The following ARHGAP15 variants were observed in gnomAD, a reference collection of about 807,000 sequenced individuals.
ARHGAP15 encodes the protein rho GTPase-activating protein 15.
ARHGAP15 carries 51 observed loss-of-function variants against 63.7 expected under a neutral mutation model. The ratio of observed to expected loss-of-function variants is 0.80; its 90% confidence interval spans 0.64 to 1.01. ARHGAP15 has a LOEUF of 1.01. Ranked by LOEUF, ARHGAP15 falls within the 50% of genes least tolerant of loss-of-function variation. ARHGAP15 has a pLI of 0.00. For synonymous variants in ARHGAP15, 191 were observed against 193.8 expected, an observed-to-expected ratio of 0.99 and a Z score of 0.12; for missense variants, 560 against 564.6, an observed-to-expected ratio of 0.99 and a Z score of 0.08.
intron 13 of ARHGAP15, among the ~76,000 whole-genome samples, chr2:143,723,046 T>G (rs1326565433): frequency 6.6e-6 from 1 of 152,222 alleles, no homozygotes; most frequent in Non-Finnish European, 1.5e-5. Flanking sequence ...ACACTGAATT[T>G]TTGCTGTATC....
intron 9 of ARHGAP15, among the ~76,000 whole-genome samples, chr2:143,512,389 A>C (rs959329800): frequency 1.3e-5 from 2 of 152,216 alleles, no homozygotes; most frequent in African/African-American, 4.8e-5. Context: ...GGTGGAGTCA[A>C]CACTACCCAA....
intron 6 of ARHGAP15, among the ~76,000 whole-genome samples, chr2:143,413,966 T>TGTGTGTGTGTGTGCACGCGCGCGC: frequency 8.5e-6 from 1 of 117,910 alleles, no homozygotes; most frequent in African/African-American, 3.5e-5. Flanking sequence ...TGTGTGTGTG[T>TGTGTGTGTGTGTGCACGCGCGCGC]GCGCGCTCTC....
In ARHGAP15 at chr2:143,254,865, A is replaced by AT. The variant is rs556347701; in HGVS notation, c.474+4267dup. On this transcript the variant is annotated intron_variant, in intron 6 of 13. Transcript: ENST00000295095. ...AATAAAACAAAACAAATTCACTCCT[A>AT]TTAAAAAAAAAAAAGTTATTTGTAT... Among the ~76,000 whole-genome samples, 39 of 105,076 alleles carry AT rather than the reference A, an allele frequency of 3.7e-4. No individual in the cohort carries two copies. In the East Asian group the frequency reaches 4.9e-3, roughly 13 times the overall value. 68.9% of individuals were successfully genotyped at this position (105,076 alleles called of 152,430 possible). A position where few individuals can be genotyped will look rare whatever the true frequency, so the allele number is the denominator to read the frequency against.
At chr2:143,692,482 C>G (rs202088738) in intron 12 of ARHGAP15, among the ~76,000 whole-genome samples, 2 of 152,238 alleles carry the variant, frequency 1.3e-5, no homozygotes, top group East Asian at 1.9e-4. Flanking sequence ...ATTGTAAATG[C>G]TCCCAGGTTA....
At chr2:143,720,113 T>A (rs1006058445) in intron 13 of ARHGAP15, among the ~76,000 whole-genome samples, 1 of 152,068 alleles carries the variant, frequency 6.6e-6, no homozygotes, top group Non-Finnish European at 1.5e-5. Context: ...CAGTTAGTTG[T>A]ATGTAGGATT....
At chr2:143,593,979 T>C (rs1400310186) in intron 11 of ARHGAP15, among the ~76,000 whole-genome samples, 1 of 152,220 alleles carries the variant, frequency 6.6e-6, no homozygotes, top group African/African-American at 2.4e-5. Flanking sequence ...GAAACTGATA[T>C]ATTATTTAAC....
At position 143,235,054 on chromosome 2, in the gene ARHGAP15, G is replaced by A. The variant is rs1454222912; in HGVS notation, c.384+6386G>A. 2.0e-5 allele frequency among the ~76,000 whole-genome samples: 3 copies of A among 152,076 alleles called. No individual in the cohort carries two copies. In the East Asian group the frequency reaches 5.8e-4, roughly 29 times the overall value. ...GTTAAGTATGCATTTGGTTAATCAA[G>A]TTTGTGCTATTTATATAAATCTTGG... On this transcript the variant is annotated intron_variant, in intron 5 of 13. Coordinates refer to ENST00000295095, the MANE Select transcript of ARHGAP15 (RefSeq NM_018460.4).
intron 6 of ARHGAP15, chr2:143,314,550 G>C (rs1402927364): frequency 6.6e-6 from 1 of 151,432 alleles, no homozygotes; most frequent in Non-Finnish European, 1.5e-5. Flanking sequence ...AATGAGACCA[G>C]TTTTATTTTC....
At chr2:143,746,107 T>G (rs1016268095) in intron 13 of ARHGAP15, among the ~76,000 whole-genome samples, 1 of 152,188 alleles carries the variant, frequency 6.6e-6, no homozygotes, top group East Asian at 1.9e-4. Context: ...TTAGACATTC[T>G]CTTCTGTATA....
chr2:143,509,110 G>A (rs7561380), intron 9 of ARHGAP15, among the ~76,000 whole-genome samples: 145,472 of 152,266 alleles, frequency 0.96, 69,845 homozygotes, highest in Middle Eastern at 1. Context: ...ATCCTTGTTC[G>A]GGGAGATCCT....
chr2:143,441,583 C>T (rs1347295964), intron 8 of ARHGAP15, among the ~76,000 whole-genome samples: 1 of 152,156 alleles, frequency 6.6e-6, no homozygotes, highest in Non-Finnish European at 1.5e-5. Flanking sequence ...TCTGTGCTTT[C>T]AATTTTTAAA....
intron 10 of ARHGAP15, among the ~76,000 whole-genome samples, chr2:143,542,573 T>G (rs1272653238): frequency 6.7e-6 from 1 of 149,378 alleles, no homozygotes; most frequent in Non-Finnish European, 1.5e-5. Flanking sequence ...TGTGTGTGTG[T>G]GTGCACATAT....
intron 9 of ARHGAP15, among the ~76,000 whole-genome samples, chr2:143,503,480 T>C (rs564384651): frequency 6.6e-6 from 1 of 152,358 alleles, no homozygotes; most frequent in Admixed American, 6.5e-5. Context: ...TGATGAAATG[T>C]TCTTTCTTCA....
intron 6 of ARHGAP15, chr2:143,305,369 T>A (rs959952563): frequency 6.6e-6 from 1 of 151,992 alleles, no homozygotes; most frequent in African/African-American, 2.4e-5. Flanking sequence ...AAATACCTAA[T>A]GTAGATGACG....
intron 12 of ARHGAP15, among the ~76,000 whole-genome samples, chr2:143,644,168 A>G (rs894496254): frequency 1.3e-5 from 2 of 152,110 alleles, no homozygotes; most frequent in African/African-American, 4.8e-5. Flanking sequence ...TTTTTATGTT[A>G]AGGTTTGATA....
intron 11 of ARHGAP15, among the ~76,000 whole-genome samples, chr2:143,578,998 G>A (rs1336389980): frequency 6.6e-6 from 1 of 152,040 alleles, no homozygotes; most frequent in Non-Finnish European, 1.5e-5. Context: ...AATGTACATT[G>A]ATAGTAAATC....
At chr2:143,546,053 C>G (rs1041515158) in intron 10 of ARHGAP15, among the ~76,000 whole-genome samples, 4 of 152,152 alleles carry the variant, frequency 2.6e-5, no homozygotes, top group Non-Finnish European at 4.4e-5. Context: ...AGAAAGATCA[C>G]TTTACAGAGA....
chr2:143,749,413 CTCTCTT>C (rs1686288074), intron 13 of ARHGAP15, among the ~76,000 whole-genome samples: 1 of 152,244 alleles, frequency 6.6e-6, no homozygotes, highest in Admixed American at 6.5e-5. Flanking sequence ...ATCCTTCTCT[CTCTCTT>C]TATTCCATTC....
rs868170213 is a variant in ARHGAP15 at position 143,674,819 on chromosome 2, T to C, written c.1139-28600T>C. The stretch of plus-strand genomic sequence containing the variant: ...GGTTATCTGAGACTTCAGTGAGTCA[T>C]AATCTTTTCGCTGGTGGAGGGTCTT... On this transcript the variant is annotated intron_variant, in intron 12 of 13. Transcript: ENST00000295095. Among the ~76,000 whole-genome samples the C allele has an allele frequency of 2.6e-5, 4 of 152,212 alleles. No homozygotes were observed. In the South Asian group the frequency reaches 8.3e-4, roughly 31 times the overall value.
Sources: gnomAD v4.1 joint callset for allele counts (sites outside exome capture counted in the v4.1 genomes callset) on GRCh38, gnomAD v4.1.1 for gene constraint, MANE v1.5 for transcripts, NCBI Gene and HGNC (gene_info 2026-07-23, HGNC 2026-07-21) for gene names.